Variants in ZNF727 observed in about 807,000 individuals in gnomAD.
ZNF727 encodes the protein zinc finger protein 727.
Under a neutral mutation model 11.5 loss-of-function variants are expected in ZNF727, and 11 were observed. The observed-to-expected ratio is 0.95, with a 90% CI of 0.60 to 1.58. The LOEUF is 1.58. ZNF727 is among the 40% of genes most tolerant of loss of function. ZNF727 has a pLI of 0.00. For synonymous variants in ZNF727, 171 were observed against 196.1 expected, an observed-to-expected ratio of 0.87 and a Z score of 1.07; for missense variants, 533 against 581.7, an observed-to-expected ratio of 0.92 and a Z score of 0.86.
intron 1 of ZNF727, among the ~76,000 whole-genome samples, chr7:64,054,923 A>G (rs1353711621): frequency 6.6e-6 from 1 of 152,090 alleles, no homozygotes; most frequent in African/African-American, 2.4e-5. Context: ...TGTGTCTTTT[A>G]AAGTATTTTA....
At position 64,083,706 on chromosome 7, in the gene ZNF727, A is replaced by G. The variant is rs914914079; in HGVS notation, c.*5157A>G. Among the ~76,000 whole-genome samples the G allele has an allele frequency of 2.6e-5, 4 of 151,918 alleles. No individual in the cohort carries two copies. Among genetic ancestry groups the G allele is most frequent in the Non-Finnish European group, 5.9e-5 (4 of 68,000 alleles). On this transcript the variant is annotated 3_prime_UTR_variant, in exon 4 of 4. Transcript: ENST00000456806. Reference sequence around the variant, plus strand: ...CATGGGTTTCTAGGGTCACACATGCACTCACTGCTTTACTGGGTGGGGAGG... The same window carrying G: ...CATGGGTTTCTAGGGTCACACATGCGCTCACTGCTTTACTGGGTGGGGAGG...
intron 1 of ZNF727, among the ~76,000 whole-genome samples, chr7:64,066,421 C>G (rs895958111): frequency 5.3e-5 from 8 of 152,112 alleles, no homozygotes; most frequent in African/African-American, 1.7e-4. Context: ...GCTACAGTAA[C>G]CAAAACAGCA....
chr7:64,073,344 C>T (rs1278432762), intron 3 of ZNF727, among the ~76,000 whole-genome samples: 1 of 149,728 alleles, frequency 6.7e-6, no homozygotes, highest in African/African-American at 2.5e-5. Context: ...TTATAAGTAA[C>T]ATGTCTTTAG....
intron 3 of ZNF727, among the ~76,000 whole-genome samples, chr7:64,074,982 C>T: frequency 6.6e-6 from 1 of 151,592 alleles, no homozygotes; most frequent in East Asian, 1.9e-4. Flanking sequence ...TGCTGTATAC[C>T]AACTATGCCT....
chr7:64,050,270 A>C (rs1258806086), intron 1 of ZNF727, among the ~76,000 whole-genome samples: 1 of 152,116 alleles, frequency 6.6e-6, no homozygotes, highest in Non-Finnish European at 1.5e-5. Context: ...AGACATATAC[A>C]TACATGTAGA....
In ZNF727 at chr7:64,079,981, CA is replaced by C; in HGVS notation, c.*1433del. Among the ~76,000 whole-genome samples the C allele has an allele frequency of 6.6e-6, 1 of 152,132 alleles. No homozygotes were observed. Among genetic ancestry groups the C allele is most frequent in the Admixed American group, 6.6e-5 (1 of 15,258 alleles). On this transcript the variant is annotated 3_prime_UTR_variant, in exon 4 of 4. Transcript: ENST00000456806. The stretch of plus-strand genomic sequence containing the variant: ...TTTTTAAAGAAAGTTGAATATTGGC[CA>C]TTAATCTCTTTTGACTTGAGGGATC...
intron 1 of ZNF727, among the ~76,000 whole-genome samples, chr7:64,050,390 C>T (rs542581093): frequency 8.5e-5 from 13 of 152,156 alleles, no homozygotes; most frequent in African/African-American, 2.4e-4. Context: ...CCACAACTTC[C>T]GGGGCTTCAT....
intron 1 of ZNF727, among the ~76,000 whole-genome samples, chr7:64,053,660 T>C (rs1789637966): frequency 6.6e-6 from 1 of 151,252 alleles, no homozygotes; most frequent in Non-Finnish European, 1.5e-5. Flanking sequence ...CCTCCACACA[T>C]TTTTTTTTGT....
In ZNF727 at chr7:64,083,936, A is replaced by G. The variant is rs1785833832; in HGVS notation, c.*5387A>G. 6.6e-6 allele frequency among the ~76,000 whole-genome samples: 1 copy of G among 152,164 alleles called. No homozygotes were observed. The highest frequency in any genetic ancestry group is 2.1e-4 in the South Asian group (1 of 4,826). On this transcript the variant is annotated 3_prime_UTR_variant, in exon 4 of 4. Coordinates refer to ENST00000456806, the MANE Select transcript of ZNF727 (RefSeq NM_001159522.3). ...CCTTCTACTTTTTTATATTAAAATAATTTATTTTCAAAGGCAAATATTGAT... is the reference window on the plus strand; with the variant it reads ...CCTTCTACTTTTTTATATTAAAATAGTTTATTTTCAAAGGCAAATATTGAT...
Position 64,085,260 on chromosome 7 carries a change from C to G in ZNF727, c.*6711C>G, listed in dbSNP as rs192030403. The stretch of plus-strand genomic sequence containing the variant: ...TTTCAATTAGAGAATGCTATTTAAT[C>G]CAATTTTCATTTAGTTATTGATCAT... On this transcript the variant is annotated 3_prime_UTR_variant, in exon 4 of 4. Transcript: ENST00000456806. 1.1e-3 allele frequency among the ~76,000 whole-genome samples: 164 copies of G among 152,074 alleles called. 1 individual carries two copies. The highest frequency in any genetic ancestry group is 3.9e-3 in the African/African-American group (162 of 41,498).
At position 64,045,650 on chromosome 7, in the gene ZNF727, A is replaced by T. The variant is rs768051035; in HGVS notation, c.3+26A>T. On this transcript the variant is annotated intron_variant, in intron 1 of 3. Transcript: ENST00000456806. Reference sequence around the variant, plus strand: ...GTGAGTGCGCGGAGTGGGTGTCCCGAGAAGGGGGAAGAGGCTGTTTGAATC... The same window carrying T: ...GTGAGTGCGCGGAGTGGGTGTCCCGTGAAGGGGGAAGAGGCTGTTTGAATC... The T allele has an allele frequency of 3.2e-6, 5 of 1,558,038 alleles. No homozygotes were observed. In the East Asian group the frequency reaches 9.6e-5, roughly 30 times the overall value.
intron 3 of ZNF727, among the ~76,000 whole-genome samples, chr7:64,073,058 T>G (rs1789986893): frequency 6.6e-6 from 1 of 152,108 alleles, no homozygotes; most frequent in Admixed American, 6.6e-5. Flanking sequence ...TTGTTCATAT[T>G]AGAAAGTCTT....
At chr7:64,046,966 C>T (rs1375999299) in intron 1 of ZNF727, among the ~76,000 whole-genome samples, 4 of 150,924 alleles carry the variant, frequency 2.7e-5, no homozygotes, top group African/African-American at 7.4e-5. Flanking sequence ...GTTGGTTAAG[C>T]CTAAGTTTTG....
At chr7:64,070,097 A>C (rs1305796758) in intron 3 of ZNF727, among the ~76,000 whole-genome samples, 1 of 152,036 alleles carries the variant, frequency 6.6e-6, no homozygotes, top group Non-Finnish European at 1.5e-5. Context: ...CCTGCTTTAT[A>C]ATTTTCTATT....
intron 1 of ZNF727, among the ~76,000 whole-genome samples, chr7:64,059,458 C>T (rs1452650878): frequency 2.0e-5 from 3 of 152,182 alleles, no homozygotes; most frequent in East Asian, 3.9e-4. Context: ...CTATGAAGCA[C>T]TCATCTCATT....
At chr7:64,067,180 T>G (rs1789882588) in intron 1 of ZNF727, among the ~76,000 whole-genome samples, 1 of 152,070 alleles carries the variant, frequency 6.6e-6, no homozygotes, top group Non-Finnish European at 1.5e-5. Flanking sequence ...GAAATGTAAA[T>G]CAAAACCACA....
intron 1 of ZNF727, among the ~76,000 whole-genome samples, chr7:64,056,766 A>G (rs1789692227): frequency 6.6e-6 from 1 of 152,166 alleles, no homozygotes. Context: ...GTCACTCTCT[A>G]TTAATTACTA....
chr7:64,069,853 T>G (rs1172631976), intron 3 of ZNF727, among the ~76,000 whole-genome samples: 2 of 152,126 alleles, frequency 1.3e-5, no homozygotes, highest in Non-Finnish European at 2.9e-5. Flanking sequence ...TTTTTTTTGT[T>G]TTTTGTGGGT....
rs558065089 is a variant in ZNF727, at chr7:64,062,327, T to A, written c.4-6564T>A. Among the ~76,000 whole-genome samples the A allele has an allele frequency of 1.6e-3, 239 of 152,190 alleles. 2 individuals carry two copies. Among genetic ancestry groups the A allele is most frequent in the African/African-American group, 5.5e-3 (230 of 41,562 alleles). ...ATTGCTCATTAATGTTCTATTCTTT[T>A]AGATTGAAGAACTGCCTTTAGCATT... On this transcript the variant is annotated intron_variant, in intron 1 of 3. Transcript: ENST00000456806.
Sources: allele counts gnomAD v4.1 joint callset (sites outside exome capture counted in the v4.1 genomes callset), GRCh38; gene constraint gnomAD v4.1.1; transcripts MANE v1.5; gene names NCBI Gene and HGNC (gene_info 2026-07-23, HGNC 2026-07-21).